SLK: variants seen among roughly 807,000 people sequenced by gnomAD.
SLK encodes the protein STE20 like kinase.
SLK carries 67 observed loss-of-function variants against 147.7 expected under a neutral mutation model. The ratio of observed to expected loss-of-function variants is 0.45; its 90% CI spans 0.37 to 0.56. The LOEUF (loss-of-function observed/expected upper bound fraction) is 0.56. Ranked by LOEUF, SLK falls within the 20% of genes least tolerant of loss-of-function variation. SLK has a pLI of 0.00. For synonymous variants in SLK, 441 were observed against 475.0 expected (o/e 0.93, Z 0.93); for missense variants, 1,136 against 1,438.8 (o/e 0.79, Z 3.41).
At chr10:104,016,309 ACT>A (rs1490995553) in intron 13 of SLK, among the ~76,000 whole-genome samples, 3 of 151,260 alleles carry the variant, frequency 2.0e-5, no homozygotes, top group Admixed American at 1.3e-4. Context: ...ACAGAGCAAG[ACT>A]CTCTTTCAAA....
chr10:104,029,096 GTTTGC>G lies in SLK; in HGVS notation c.*3377_*3381del, dbSNP rs547553550. On this transcript the variant is annotated 3_prime_UTR_variant, in exon 19 of 19. Transcript: ENST00000369755. ...TGCAGCTTTTTGTGCTCCTTCTCTGGTTTGCAGTGTAATGAGTTCATAAGCTAAAT... is the reference window on the plus strand; with the variant it reads ...TGCAGCTTTTTGTGCTCCTTCTCTGGAGTGTAATGAGTTCATAAGCTAAAT... 72 of 152,282 alleles carry G rather than the reference GTTTGC, an allele frequency of 4.7e-4. No homozygotes were observed. The highest frequency in any genetic ancestry group is 1.6e-3 in the African/African-American group (65 of 41,548). 9.4% of individuals were successfully genotyped at this position (152,282 alleles called of 1,614,324 possible).
chr10:104,018,511 T>A (rs1449997702), intron 14 of SLK, among the ~76,000 whole-genome samples: 2 of 152,194 alleles, frequency 1.3e-5, no homozygotes, highest in African/African-American at 4.8e-5. Flanking sequence ...ACAAATTAGC[T>A]TAGATTTTTT....
chr10:103,981,492 T>C (rs980433756), intron 1 of SLK, among the ~76,000 whole-genome samples: 1 of 152,120 alleles, frequency 6.6e-6, no homozygotes, highest in Non-Finnish European at 1.5e-5. Flanking sequence ...CATTTAGGTT[T>C]TTCTTTGGTC....
intron 18 of SLK, among the ~76,000 whole-genome samples, chr10:104,023,756 C>T (rs1373375575): frequency 6.6e-6 from 1 of 152,150 alleles, no homozygotes; most frequent in Non-Finnish European, 1.5e-5. Context: ...TCATCACCAC[C>T]AGACACATTT....
At chr10:103,997,724 G>C (rs1407492607) in intron 4 of SLK, among the ~76,000 whole-genome samples, 5 of 151,518 alleles carry the variant, frequency 3.3e-5, no homozygotes, top group Admixed American at 3.3e-4. Flanking sequence ...ATTTTTTCTG[G>C]AGCTCTGTCG....
rs1314107336 is a variant in SLK, at chr10:104,005,642, A to C, written c.2431A>C (p.Lys811Gln). ...DGVEVSVTTS[K>Q]IVTDSDSKTE... ...TGTAGAAGTGAGTGTAACAACATCA[A>C]AGATAGTTACAGATAGTGATTCCAA... The change falls in exon 10 of 19, where the codon AAG becomes CAG. Residue 811 changes from lysine to glutamine, a missense_variant. Physicochemically the swap from Lys to Gln is moderately conservative, Grantham distance 53. This residue lies in a region of SLK where 21 missense variants were observed against 69.9 expected (regional missense o/e 0.30). Coordinates refer to ENST00000369755, the MANE Select transcript of SLK (RefSeq NM_014720.4). 1 of 1,608,656 alleles carries C rather than the reference A, an allele frequency of 6.2e-7. No individual in the cohort carries two copies. The highest frequency in any genetic ancestry group is 8.5e-7 in the Non-Finnish European group (1 of 1,176,588).
chr10:104,018,055 C>G, intron 13 of SLK, 105 bp from the exon 14 acceptor site: 1 of 902,612 alleles, frequency 1.1e-6, no homozygotes, highest in Non-Finnish European at 1.6e-6. Flanking sequence ...ACTTTGCAAA[C>G]TTGGTTTGGA....
chr10:103,992,634 G>T lies in SLK; in HGVS notation c.352G>T (p.Ala118Ser). Residue 118 changes from alanine (A) to serine (S), a missense_variant, in exon 3 of 19, where the codon GCT (alanine) becomes TCT (serine). Ala to Ser is a moderately conservative substitution (Grantham distance 99). Coordinates refer to ENST00000369755, the MANE Select transcript of SLK (RefSeq NM_014720.4). The stretch of plus-strand genomic sequence containing the variant: ...ATTTTGTGCAGGTGGAGCAGTAGAT[G>T]CTGTGATGCTTGGTAAATACCTTTT... The part of the protein sequence containing the change: ...IEFCAGGAVD[A>S]VMLELERPLT... 1 of 1,014,164 alleles carries T rather than the reference G, an allele frequency of 9.9e-7. No individual in the cohort carries two copies. Among genetic ancestry groups the T allele is most frequent in the South Asian group, 1.8e-5 (1 of 55,358 alleles). 62.8% of individuals were successfully genotyped at this position (1,014,164 alleles called of 1,614,324 possible).
In SLK at chr10:104,008,476, C is replaced by A. The variant is rs1044437439; in HGVS notation, c.2784+120C>A. The A allele has an allele frequency of 9.0e-6, 6 of 668,206 alleles. No homozygotes were observed. The Admixed American group carries it at 1.9e-4, about 21-fold the overall frequency. 41.4% of individuals were successfully genotyped at this position (668,206 alleles called of 1,614,324 possible). On this transcript the variant is annotated intron_variant, in intron 12 of 18. Transcript: ENST00000369755. The stretch of plus-strand genomic sequence containing the variant: ...GAGAGTTAAATAGCACCTATTCATT[C>A]TTTCATTCGGTCTTCTCAACAGTCA...
rs546812283 is a variant in SLK, at chr10:104,009,670, G to T, written c.2785-1146G>T. 2.5e-4 allele frequency among the ~76,000 whole-genome samples: 38 copies of T among 152,200 alleles called. No individual in the cohort carries two copies. The South Asian group carries it at 5.4e-3, about 22-fold the overall frequency. On this transcript the variant is annotated intron_variant, in intron 12 of 18. Transcript: ENST00000369755. ...AAAAAATTTTACAGATAAATATATG[G>T]TTTAATCCTAAATATAAAAGTCTCA...
chr10:103,973,825 A>G (rs1044961103), intron 1 of SLK, among the ~76,000 whole-genome samples: 1 of 152,202 alleles, frequency 6.6e-6, no homozygotes, highest in Non-Finnish European at 1.5e-5. Flanking sequence ...GCCTGTCTAA[A>G]TATGTCTTTA....
At chr10:103,970,022 A>C (rs1300761571) in intron 1 of SLK, among the ~76,000 whole-genome samples, 1 of 152,208 alleles carries the variant, frequency 6.6e-6, no homozygotes, top group East Asian at 1.9e-4. Context: ...GTTGGAATAT[A>C]ACTTAGCTCT....
At chr10:104,007,863 G>A (rs1844348274) in intron 11 of SLK, among the ~76,000 whole-genome samples, 1 of 150,718 alleles carries the variant, frequency 6.6e-6, no homozygotes, top group East Asian at 2.0e-4. Flanking sequence ...GAAGCAGGAG[G>A]ATAGTTTGAG....
In SLK at chr10:103,996,679, G is replaced by A. The variant is rs548649863; in HGVS notation, c.515-2220G>A. 5.3e-5 allele frequency among the ~76,000 whole-genome samples: 8 copies of A among 152,240 alleles called. No homozygotes were observed. In the South Asian group the frequency reaches 1.2e-3, roughly 24 times the overall value. ...TCCCAAAGTGCTGGGATTGGTGTGA[G>A]CCACCGTGCCCGGCCTTCTAATAAA... On this transcript the variant is annotated intron_variant, in intron 4 of 18. Transcript: ENST00000369755.
chr10:103,985,261 G>A (rs932291659), intron 1 of SLK, among the ~76,000 whole-genome samples: 5 of 152,284 alleles, frequency 3.3e-5, no homozygotes, highest in African/African-American at 9.6e-5. Flanking sequence ...GTCTTGGGAT[G>A]TATTCCCTGG....
chr10:104,009,421 CATTA>C (rs1039562910), intron 12 of SLK, among the ~76,000 whole-genome samples: 6 of 152,052 alleles, frequency 3.9e-5, no homozygotes, highest in Admixed American at 2.0e-4. Context: ...TAGAGTCAAA[CATTA>C]ATAAATACAG....
chr10:103,969,549 A>G (rs1843765823), intron 1 of SLK, among the ~76,000 whole-genome samples: 1 of 152,220 alleles, frequency 6.6e-6, no homozygotes, highest in African/African-American at 2.4e-5. Flanking sequence ...TGTTGAAATG[A>G]AAGAATGTGT....
chr10:103,974,910 C>T (rs1589524568), intron 1 of SLK: 3 of 135,536 alleles, frequency 2.2e-5, no homozygotes, highest in Middle Eastern at 4.2e-3. Context: ...ACCTCATGAT[C>T]CACCCGCCTC....
intron 13 of SLK, among the ~76,000 whole-genome samples, chr10:104,014,859 TTTG>T (rs1397367304): frequency 1.3e-5 from 2 of 152,172 alleles, no homozygotes; most frequent in Non-Finnish European, 2.9e-5. Context: ...TTTGGGTTCT[TTTG>T]TTGTTGTCTT....
Sources: allele counts gnomAD v4.1 joint callset (sites outside exome capture counted in the v4.1 genomes callset), GRCh38; gene constraint gnomAD v4.1.1; regional missense constraint gnomAD v4.1.1; transcripts MANE v1.5; gene names NCBI Gene and HGNC (gene_info 2026-07-23, HGNC 2026-07-21).